KANK1: variants seen among roughly 807,000 people sequenced by gnomAD.
The protein encoded by KANK1 is KN motif and ankyrin repeat domains 1.
KANK1 carries 109 observed loss-of-function variants against 106.2 expected under a neutral mutation model. That is an observed-to-expected ratio of 1.03 (90% CI 0.88 to 1.20). The LOEUF (loss-of-function observed/expected upper bound fraction) is 1.20. Among genes scored for constraint, KANK1 ranks in the 50% most tolerant of loss-of-function variants. The probability of loss-of-function intolerance (pLI) is 0.00; values close to 1 mark genes in which losing one functional copy is unlikely to be tolerated. For synonymous variants in KANK1, 873 were observed against 652.2 expected, an observed-to-expected ratio of 1.34 and a Z score of -5.16; for missense variants, 2,399 against 1,710.7, an observed-to-expected ratio of 1.40 and a Z score of -7.10.
intron 1 of KANK1, among the ~76,000 whole-genome samples, chr9:614,478 A>G (rs1831321625): frequency 6.6e-6 from 1 of 152,176 alleles, no homozygotes; most frequent in South Asian, 2.1e-4. Flanking sequence ...TTTACAGCAT[A>G]TCTTGGCTGA....
chr9:687,684 T>C (rs138457364), intron 2 of KANK1, among the ~76,000 whole-genome samples: 1 of 152,300 alleles, frequency 6.6e-6, no homozygotes, highest in East Asian at 1.9e-4. Context: ...GCCCTTCTTA[T>C]CCTTCAAGTC....
rs576958266 is a variant in KANK1 at position 727,441 on chromosome 9, G to A, written c.2699-2610G>A. Among the ~76,000 whole-genome samples the A allele has an allele frequency of 2.8e-4, 42 of 151,558 alleles. 1 individual carries two copies. The highest frequency in any genetic ancestry group is 3.2e-3 in the Middle Eastern group (1 of 316). ...AGTGATTCTCCTACCTCAGCCTCCC[G>A]AGCAGCTCTGGATTACAGGCACTCA... On this transcript the variant is annotated intron_variant, in intron 3 of 11. Transcript: ENST00000382297.
intron 1 of KANK1, among the ~76,000 whole-genome samples, chr9:652,237 T>A (rs1841047556): frequency 1.3e-5 from 2 of 152,164 alleles, no homozygotes; most frequent in Non-Finnish European, 2.9e-5. Flanking sequence ...GTTTGCAGTG[T>A]GGGCCAGGTG....
At chr9:684,480 T>G (rs1818162957) in intron 2 of KANK1, 2 of 985,292 alleles carry the variant, frequency 2.0e-6, no homozygotes, top group Admixed American at 6.1e-5. Flanking sequence ...GCTATTATTC[T>G]AAGAGACTGG....
chr9:682,213 A>C (rs1225099221), intron 2 of KANK1, among the ~76,000 whole-genome samples: 1 of 151,816 alleles, frequency 6.6e-6, no homozygotes, highest in Non-Finnish European at 1.5e-5. Context: ...CCGGGAGACG[A>C]AGGTTGCAGT....
intron 1 of KANK1, among the ~76,000 whole-genome samples, chr9:530,937 C>G (rs538029687): frequency 6.6e-6 from 1 of 152,192 alleles, no homozygotes; most frequent in South Asian, 2.1e-4. Context: ...TCGTGGGTGA[C>G]AGAGTGAGAC....
At chr9:636,241 T>TTA (rs1837111833) in intron 1 of KANK1, among the ~76,000 whole-genome samples, 1 of 152,180 alleles carries the variant, frequency 6.6e-6, no homozygotes, top group Non-Finnish European at 1.5e-5. Context: ...TCTTAGATCT[T>TTA]TATATGCAGA....
chr9:590,808 A>T lies in KANK1; in HGVS notation c.-84+86054A>T, dbSNP rs1163614787. Among the ~76,000 whole-genome samples, 4 of 151,850 alleles carry T rather than the reference A, an allele frequency of 2.6e-5. 1 individual carries two copies. Among genetic ancestry groups the T allele is most frequent in the African/African-American group, 9.7e-5 (4 of 41,114 alleles). On this transcript the variant is annotated intron_variant, in intron 1 of 11. Transcript: ENST00000382297. ...TCAGGAATGTATTTTAACAAATCTC[A>T]CTTTGGACATATGCATTAATGTACA...
chr9:563,015 C>G (rs1167154499), intron 1 of KANK1, among the ~76,000 whole-genome samples: 1 of 152,174 alleles, frequency 6.6e-6, no homozygotes, highest in African/African-American at 2.4e-5. Flanking sequence ...CATCAATTCT[C>G]AAATCACTCT....
chr9:477,733 T>TA (rs1169346328), intron 3 of KANK1: 1 of 152,256 alleles, frequency 6.6e-6, no homozygotes, highest in Non-Finnish European at 1.5e-5. Flanking sequence ...CCCCACCAAG[T>TA]GGCCCATGCC....
At chr9:480,226 C>T (rs2058180415) in intron 3 of KANK1, among the ~76,000 whole-genome samples, 1 of 152,186 alleles carries the variant, frequency 6.6e-6, no homozygotes, top group Non-Finnish European at 1.5e-5. Context: ...CTATCATATA[C>T]TCAAATTGCA....
chr9:605,346 A>T (rs1284727043), intron 1 of KANK1, among the ~76,000 whole-genome samples: 2 of 151,684 alleles, frequency 1.3e-5, no homozygotes, highest in African/African-American at 2.4e-5. Context: ...GAGGAAAGAT[A>T]ATCACTCTCA....
At chr9:473,407 T>C (rs2058053066) in intron 3 of KANK1, 1 of 152,184 alleles carries the variant, frequency 6.6e-6, no homozygotes, top group Non-Finnish European at 1.5e-5. Flanking sequence ...CCTCATAAAT[T>C]TGCAGTTGAA....
chr9:552,971 C>A (rs1037823955), intron 1 of KANK1, among the ~76,000 whole-genome samples: 14 of 152,018 alleles, frequency 9.2e-5, no homozygotes, highest in Non-Finnish European at 1.9e-4. Flanking sequence ...ATAGCGAGAC[C>A]CCTTCTCTAC....
chr9:564,996 C>T (rs939838021), intron 1 of KANK1, among the ~76,000 whole-genome samples: 1 of 152,110 alleles, frequency 6.6e-6, no homozygotes, highest in Admixed American at 6.6e-5. Context: ...TGAGAAGGAG[C>T]CTGGTGAGGC....
chr9:529,965 C>A (rs2059984297), intron 1 of KANK1, among the ~76,000 whole-genome samples: 1 of 152,184 alleles, frequency 6.6e-6, no homozygotes, highest in Non-Finnish European at 1.5e-5. Context: ...ATTTCTTAAT[C>A]TTTACCAATC....
chr9:742,091 G>C, intron 9 of KANK1, 114 bp from the exon 10 acceptor site: 2 of 904,752 alleles, frequency 2.2e-6, no homozygotes, highest in Non-Finnish European at 3.5e-6. Context: ...TCCATCGCCA[G>C]TTCTTTCCCT....
intron 1 of KANK1, among the ~76,000 whole-genome samples, chr9:625,461 T>C (rs895801118): frequency 3.9e-5 from 6 of 152,170 alleles, no homozygotes; most frequent in Non-Finnish European, 5.9e-5. Context: ...GCCTCCAAGA[T>C]TGCCTATATT....
chr9:695,828 C>A (rs1236536010), intron 2 of KANK1, among the ~76,000 whole-genome samples: 1 of 152,108 alleles, frequency 6.6e-6, no homozygotes, highest in Non-Finnish European at 1.5e-5. Context: ...AGCAGCAGAG[C>A]CAGGATTCAA....
Sources: allele counts gnomAD v4.1 joint callset (sites outside exome capture counted in the v4.1 genomes callset), GRCh38; gene constraint gnomAD v4.1.1; transcripts MANE v1.5; gene names NCBI Gene and HGNC (gene_info 2026-07-23, HGNC 2026-07-21).